Variants in RBFOX1 observed in about 807,000 individuals in gnomAD.
RBFOX1 encodes RNA binding fox-1 homolog 1, also known as RNA binding protein fox-1 homolog 1.
In RBFOX1, 8 loss-of-function variants were observed where a neutral mutation model predicts 57.7. That is an observed-to-expected ratio of 0.14 (90% CI 0.08 to 0.25). RBFOX1 has a LOEUF of 0.25. Among genes scored for constraint, RBFOX1 ranks in the 10% least tolerant of loss-of-function variants. The probability of loss-of-function intolerance (pLI) is 1.00; values close to 1 mark genes in which losing one functional copy is unlikely to be tolerated. For missense variants in RBFOX1, 611 were observed against 548.5 expected, an observed-to-expected ratio of 1.11 and a Z score of -1.14; for synonymous variants, 326 against 222.4, an observed-to-expected ratio of 1.47 and a Z score of -4.15.
chr16:7,533,390 A>G (rs188241687), intron 5 of RBFOX1, among the ~76,000 whole-genome samples: 1 of 152,254 alleles, frequency 6.6e-6, no homozygotes, highest in East Asian at 1.9e-4. Flanking sequence ...AAACACCCAT[A>G]CACATACACA....
chr16:6,064,666 A>G (rs952354179), intron 1 of RBFOX1, among the ~76,000 whole-genome samples: 1 of 151,944 alleles, frequency 6.6e-6, no homozygotes, highest in Non-Finnish European at 1.5e-5. Context: ...TCAGCCTCCC[A>G]AGTAGCTGAG....
At chr16:7,137,739 C>G (rs551409612) in intron 4 of RBFOX1, among the ~76,000 whole-genome samples, 21 of 152,272 alleles carry the variant, frequency 1.4e-4, no homozygotes, top group African/African-American at 4.8e-4. Context: ...TGGTGGTAAA[C>G]TCGAACACAT....
At chr16:5,750,246 C>A (rs2053143622) in intron 3 of RBFOX1, among the ~76,000 whole-genome samples, 1 of 152,162 alleles carries the variant, frequency 6.6e-6, no homozygotes, top group Admixed American at 6.5e-5. Context: ...CAGAGGGGCA[C>A]CCGACTGCAT....
At chr16:6,734,357 G>T (rs1339159248) in intron 3 of RBFOX1, among the ~76,000 whole-genome samples, 1 of 152,190 alleles carries the variant, frequency 6.6e-6, no homozygotes, top group Admixed American at 6.5e-5. Flanking sequence ...GAATTCACAA[G>T]ATTGCTAATC....
intron 1 of RBFOX1, among the ~76,000 whole-genome samples, chr16:6,042,250 AC>A (rs150068801): frequency 0.3 from 46,146 of 151,612 alleles, 7,199 homozygotes; most frequent in Middle Eastern, 0.38. Flanking sequence ...ACAGGCACAC[AC>A]CACCATGCCC....
At chr16:6,556,693 A>C (rs761247569) in intron 2 of RBFOX1, among the ~76,000 whole-genome samples, 6 of 152,228 alleles carry the variant, frequency 3.9e-5, no homozygotes, top group African/African-American at 1.4e-4. Context: ...CATGATATAG[A>C]GAATTAAATG....
chr16:7,079,947 C>G (rs1308391377), intron 4 of RBFOX1, among the ~76,000 whole-genome samples: 2 of 150,584 alleles, frequency 1.3e-5, no homozygotes, highest in African/African-American at 4.9e-5. Context: ...TGTGAATGTA[C>G]TTAATGCAGC....
At chr16:6,304,041 A>T (rs1036569519) in intron 1 of RBFOX1, among the ~76,000 whole-genome samples, 1 of 149,470 alleles carries the variant, frequency 6.7e-6, no homozygotes, top group Non-Finnish European at 1.5e-5. Context: ...TGAACTCCTG[A>T]CCTCATGATC....
intron 2 of RBFOX1, among the ~76,000 whole-genome samples, chr16:6,558,006 G>A (rs1413183209): frequency 6.6e-6 from 1 of 152,124 alleles, no homozygotes; most frequent in African/African-American, 2.4e-5. Context: ...CTGTCACTGT[G>A]AAACATTTTC....
At chr16:7,537,301 T>C (rs962837500) in intron 5 of RBFOX1, among the ~76,000 whole-genome samples, 3 of 152,190 alleles carry the variant, frequency 2.0e-5, no homozygotes, top group Non-Finnish European at 4.4e-5. Flanking sequence ...CTCTGTAATA[T>C]ACAGTATTCA....
At chr16:7,569,051 T>C (rs2092473549) in intron 5 of RBFOX1, among the ~76,000 whole-genome samples, 1 of 152,106 alleles carries the variant, frequency 6.6e-6, no homozygotes, top group South Asian at 2.1e-4. Context: ...TTCTCTACTT[T>C]CCTCCCTTTT....
At chr16:5,330,029 C>T (rs2064704587) in intron 1 of RBFOX1, among the ~76,000 whole-genome samples, 1 of 151,926 alleles carries the variant, frequency 6.6e-6, no homozygotes, top group Non-Finnish European at 1.5e-5. Flanking sequence ...TGATGAGTGC[C>T]TTCTTGCCGT....
At chr16:6,822,036 A>G (rs2091398364) in intron 3 of RBFOX1, among the ~76,000 whole-genome samples, 3 of 152,156 alleles carry the variant, frequency 2.0e-5, no homozygotes, top group African/African-American at 7.2e-5. Context: ...GGTTGTATAG[A>G]CTTGACAAGT....
rs186581744 is a variant in RBFOX1 at position 5,547,486 on chromosome 16, C to T, written c.259-51416C>T. Among the ~76,000 whole-genome samples the T allele has an allele frequency of 4.6e-5, 7 of 151,576 alleles. No homozygotes were observed. In the East Asian group the frequency reaches 1.4e-3, roughly 30 times the overall value. ...GGGTAAGTCTCAAAATCTTTATGCT[C>T]AGTGAAAGATGCCAGATAAAAAAGA... is the stretch of plus-strand genomic sequence containing the variant. On this transcript the variant is annotated intron_variant, in intron 2 of 2. Coordinates refer to the RBFOX1 transcript ENST00000585867.
chr16:7,539,183 A>T (rs759109797), intron 5 of RBFOX1, among the ~76,000 whole-genome samples: 10 of 152,144 alleles, frequency 6.6e-5, no homozygotes, highest in Non-Finnish European at 1.3e-4. Context: ...GTCCACCATG[A>T]TACTTTTTGA....
intron 4 of RBFOX1, among the ~76,000 whole-genome samples, chr16:5,960,356 C>T (rs1262647100): frequency 3.9e-5 from 6 of 152,114 alleles, no homozygotes; most frequent in East Asian, 1.9e-4. Flanking sequence ...CACACGGATA[C>T]GGAGTGGAAG....
intron 3 of RBFOX1, among the ~76,000 whole-genome samples, chr16:5,681,034 C>G (rs534822067): frequency 3.2e-4 from 49 of 151,952 alleles, no homozygotes; most frequent in Non-Finnish European, 2.9e-5. Context: ...GGGAGAATCT[C>G]TTAGATAAGA....
chr16:6,896,157 C>T (rs1015262166), intron 3 of RBFOX1, among the ~76,000 whole-genome samples: 1 of 152,014 alleles, frequency 6.6e-6, no homozygotes, highest in Admixed American at 6.6e-5. Context: ...TCTGTAATCC[C>T]AGCTACTCAG....
At chr16:7,272,002 A>G (rs1291430263) in intron 4 of RBFOX1, among the ~76,000 whole-genome samples, 1 of 152,280 alleles carries the variant, frequency 6.6e-6, no homozygotes, top group African/African-American at 2.4e-5. Flanking sequence ...CTTTGAAGTC[A>G]TCATAGTGTT....
Sources: allele counts gnomAD v4.1 joint callset (sites outside exome capture counted in the v4.1 genomes callset), GRCh38; gene constraint gnomAD v4.1.1; transcripts MANE v1.5; gene names NCBI Gene and HGNC (gene_info 2026-07-23, HGNC 2026-07-21).